The following PHLPP2 variants were observed in gnomAD, a reference collection of about 807,000 sequenced individuals.
PHLPP2 encodes the protein PH domain leucine-rich repeat-containing protein phosphatase 2.
PHLPP2 carries 66 observed loss-of-function variants against 124.9 expected under a neutral mutation model. The ratio of observed to expected loss-of-function variants is 0.53; its 90% CI spans 0.43 to 0.65. PHLPP2 has a LOEUF of 0.65. Among genes scored for constraint, PHLPP2 ranks in the 30% least tolerant of loss-of-function variants. PHLPP2 has a pLI of 0.00. For synonymous variants in PHLPP2, 681 were observed against 624.7 expected (o/e 1.09, Z -1.34); for missense variants, 1,685 against 1,600.4 (o/e 1.05, Z -0.90).
rs112223840 is a variant in PHLPP2 at position 71,712,613 on chromosome 16, G to A, written c.284+1899C>T. On this transcript the variant is annotated intron_variant, in intron 2 of 18. Transcript: ENST00000568954. ...AGTGTTAAGACTTAGAAAAGCCTAA[G>A]GATCACCCAGTCTGATCCTTTCGTT... 1.4e-3 allele frequency among the ~76,000 whole-genome samples: 215 copies of A among 152,260 alleles called. 2 individuals are homozygous for A. The highest frequency in any genetic ancestry group is 4.9e-3 in the African/African-American group (204 of 41,564).
Position 71,649,155 on chromosome 16 carries a change from T to C in PHLPP2, c.3707A>G (p.Tyr1236Cys), listed in dbSNP as rs748805086. The change falls in exon 19 of 19, where the codon TAT becomes TGT. Residue 1236 changes from tyrosine (Y) to cysteine (C), a missense_variant. Physicochemically the swap from Tyr to Cys is radical, Grantham distance 194. Coordinates refer to ENST00000568954, the MANE Select transcript of PHLPP2 (RefSeq NM_015020.3). ...AGAGCCATTGGAGAGTTTCTTCCCA[T>C]AGAGGCAGGAGGTGGAGGGAGACTT... ...LQKSPSTSCL[Y>C]GKKLSNGSIV... 10 of 1,614,042 alleles carry C rather than the reference T, an allele frequency of 6.2e-6. No homozygotes were observed. The highest frequency in any genetic ancestry group is 2.2e-5 in the East Asian group (1 of 44,904).
At chr16:71,655,500 A>ATT (rs1159349802) in intron 16 of PHLPP2, 66 bp from the exon 17 acceptor site, 10 of 1,131,858 alleles carry the variant, frequency 8.8e-6, no homozygotes, top group Admixed American at 2.3e-5. Flanking sequence ...TCCAGGGAGC[A>ATT]TTCTTTTTTT....
At chr16:71,718,579 C>CAAA (rs71153657) in intron 1 of PHLPP2, among the ~76,000 whole-genome samples, 1 of 114,216 alleles carries the variant, frequency 8.8e-6, no homozygotes. Flanking sequence ...GACTCTATCT[C>CAAA]AAAAAAAAAA....
intron 3 of PHLPP2, among the ~76,000 whole-genome samples, chr16:71,697,218 A>AT (rs200886643): frequency 4.5e-4 from 64 of 143,008 alleles, no homozygotes; most frequent in South Asian, 8.9e-4. Context: ...AAATAAATAA[A>AT]AAGAAACTCA....
chr16:71,649,211 C>T lies in PHLPP2; in HGVS notation c.3651G>A (p.Leu1217=), dbSNP rs1205662575. 6.2e-7 allele frequency: 1 copy of T among 1,613,864 alleles called. No individual in the cohort carries two copies. The highest frequency in any genetic ancestry group is 8.5e-7 in the Non-Finnish European group (1 of 1,179,910). ...RQNSVNSGML[L]PMSKDRMELQ... ...ACTCCATCCTGTCCTTGCTCATTGG[C>T]AGGAGCATGCCACTATTCACACTGT... Residue 1217 remains leucine (L), a synonymous_variant, in exon 19 of 19, where the codon CTG becomes CTA. Coordinates refer to ENST00000568954, the MANE Select transcript of PHLPP2 (RefSeq NM_015020.3).
chr16:71,677,158 C>A, intron 8 of PHLPP2: 1 of 157,794 alleles, frequency 6.3e-6, no homozygotes, highest in Non-Finnish European at 1.4e-5. Flanking sequence ...TTAGACAATC[C>A]AAATTGGCAA....
intron 1 of PHLPP2, among the ~76,000 whole-genome samples, chr16:71,718,157 T>C (rs1300668792): frequency 1.3e-5 from 2 of 152,116 alleles, no homozygotes; most frequent in Non-Finnish European, 2.9e-5. Context: ...CCTTCCAAAG[T>C]GCTGGGATTA....
Position 71,648,630 on chromosome 16 carries a change from G to A in PHLPP2, c.*260C>T. 2.1e-6 allele frequency: 1 copy of A among 469,570 alleles called. No homozygotes were observed. Among genetic ancestry groups the A allele is most frequent in the Non-Finnish European group, 3.7e-6 (1 of 266,912 alleles). 29.1% of individuals were successfully genotyped at this position (469,570 alleles called of 1,614,324 possible). On this transcript the variant is annotated 3_prime_UTR_variant, in exon 19 of 19. Transcript: ENST00000568954. ...AAAAAAAAAAAATAAAACTTAGCCGGGCATAATGGCAGGTGCCTGTAATCC... is the reference window on the plus strand; with the variant it reads ...AAAAAAAAAAAATAAAACTTAGCCGAGCATAATGGCAGGTGCCTGTAATCC...
At chr16:71,696,922 C>A (rs1407169657) in intron 3 of PHLPP2, among the ~76,000 whole-genome samples, 3 of 152,008 alleles carry the variant, frequency 2.0e-5, no homozygotes, top group Admixed American at 1.3e-4. Flanking sequence ...ACCTGTAATC[C>A]CAGCACATTT....
intron 16 of PHLPP2, 68 bp from the exon 17 acceptor site, chr16:71,655,502 T>TA: frequency 4.4e-5 from 50 of 1,123,814 alleles, no homozygotes; most frequent in Non-Finnish European, 5.8e-5. Flanking sequence ...CAGGGAGCAT[T>TA]CTTTTTTTTT....
intron 3 of PHLPP2, among the ~76,000 whole-genome samples, chr16:71,691,758 T>C (rs914673822): frequency 1.3e-5 from 2 of 151,972 alleles, no homozygotes; most frequent in Admixed American, 6.6e-5. Flanking sequence ...ATGACTGAGA[T>C]ACAGTGAACA....
intron 8 of PHLPP2, chr16:71,678,496 C>T (rs984294501): frequency 8.0e-6 from 3 of 376,750 alleles, no homozygotes; most frequent in Non-Finnish European, 1.4e-5. Context: ...AAAAATTAGC[C>T]AGGCCTCGTG....
chr16:71,667,960 C>T (rs566767651), intron 11 of PHLPP2, among the ~76,000 whole-genome samples: 6 of 152,100 alleles, frequency 3.9e-5, no homozygotes. Context: ...CATTCCCTGC[C>T]GCCTTCACCA....
At chr16:71,658,546 A>G in intron 14 of PHLPP2, 107 bp downstream of exon 14, 1 of 1,306,718 alleles carries the variant, frequency 7.7e-7, no homozygotes, top group Non-Finnish European at 1.1e-6. Context: ...CCTTATAAGA[A>G]TAATCTCATT....
chr16:71,704,122 A>C (rs943113811), intron 2 of PHLPP2, among the ~76,000 whole-genome samples: 1 of 152,098 alleles, frequency 6.6e-6, no homozygotes, highest in Non-Finnish European at 1.5e-5. Flanking sequence ...GGAGATGGCT[A>C]ACATGGTGAA....
At chr16:71,665,519 A>G (rs1408482830) in intron 12 of PHLPP2, among the ~76,000 whole-genome samples, 1 of 152,222 alleles carries the variant, frequency 6.6e-6, no homozygotes, top group African/African-American at 2.4e-5. Flanking sequence ...GTGTGTTCTC[A>G]GGTCTTCTTC....
At chr16:71,692,747 T>A (rs1304841922) in intron 3 of PHLPP2, among the ~76,000 whole-genome samples, 3 of 152,224 alleles carry the variant, frequency 2.0e-5, no homozygotes, top group Non-Finnish European at 4.4e-5. Flanking sequence ...ATAATTTGAA[T>A]AATCTCTAGA....
rs187345250 is a variant in PHLPP2 at position 71,649,881 on chromosome 16, G to C, written c.2981C>G (p.Thr994Arg). The C allele has an allele frequency of 6.2e-7, 1 of 1,614,264 alleles. No individual in the cohort carries two copies. The highest frequency in any genetic ancestry group is 2.2e-5 in the East Asian group (1 of 44,888). The change falls in exon 19 of 19, where the codon ACA (threonine) becomes AGA (arginine). Residue 994 changes from threonine (T) to arginine (R), a missense_variant. Physicochemically the swap from Thr to Arg is moderately conservative, Grantham distance 71. Coordinates refer to ENST00000568954, the MANE Select transcript of PHLPP2 (RefSeq NM_015020.3). ...NKALWEHLSY[T>R]EAVNAVRHVQ... The stretch of plus-strand genomic sequence containing the variant: ...GTGACGTACAGCATTGACAGCTTCT[G>C]TGTAGGACAAGTGTTCCCACAATGC...
intron 15 of PHLPP2, among the ~76,000 whole-genome samples, chr16:71,657,582 G>A (rs1162647997): frequency 2.0e-5 from 3 of 150,242 alleles, no homozygotes; most frequent in African/African-American, 7.4e-5. Flanking sequence ...TTTTAGTAGA[G>A]ACGGGGTTTC....
Sources: allele counts gnomAD v4.1 joint callset (sites outside exome capture counted in the v4.1 genomes callset), GRCh38; gene constraint gnomAD v4.1.1; transcripts MANE v1.5; gene names NCBI Gene and HGNC (gene_info 2026-07-23, HGNC 2026-07-21).